The following CACNA1C variants were observed in gnomAD, a reference collection of about 807,000 sequenced individuals.
CACNA1C encodes calcium voltage-gated channel subunit alpha1 C.
In CACNA1C, 30 loss-of-function variants were observed where a neutral mutation model predicts 229.0. The observed-to-expected ratio is 0.13, with a 90% CI of 0.10 to 0.18. The LOEUF (loss-of-function observed/expected upper bound fraction) is 0.18. CACNA1C is among the 10% of genes least tolerant of loss of function. CACNA1C has a pLI of 1.00. For synonymous variants in CACNA1C, 1,114 were observed against 1,132.5 expected, an observed-to-expected ratio of 0.98 and a Z score of 0.33; for missense variants, 1,658 against 2,845.0, an observed-to-expected ratio of 0.58 and a Z score of 9.49.
rs559222718 is a variant in CACNA1C at position 2,100,088 on chromosome 12, T to A, written c.50-15136T>A. Among the ~76,000 whole-genome samples, 3 of 152,298 alleles carry A rather than the reference T, an allele frequency of 2.0e-5. No homozygotes were observed. The East Asian group carries it at 5.8e-4, about 29-fold the overall frequency. ...GTACTGCCTCTCAGCACGTGTATAT[T>A]ACCTGACACTTAAAAATAACACTAG... On this transcript the variant is annotated intron_variant, in intron 1 of 46. Transcript: ENST00000399655.
At chr12:2,194,758 C>T (rs1566297975) in intron 3 of CACNA1C, among the ~76,000 whole-genome samples, 1 of 152,174 alleles carries the variant, frequency 6.6e-6, no homozygotes, top group Non-Finnish European at 1.5e-5. Context: ...TCCCCAAAGT[C>T]CTGACCCTGC....
At chr12:2,515,235 A>G (rs938263399) in intron 9 of CACNA1C, among the ~76,000 whole-genome samples, 6 of 152,220 alleles carry the variant, frequency 3.9e-5, no homozygotes, top group Admixed American at 3.3e-4. Flanking sequence ...GACACATGCA[A>G]TGAAGTGGAA....
chr12:2,303,879 A>G (rs1407923493), intron 3 of CACNA1C, among the ~76,000 whole-genome samples: 1 of 151,986 alleles, frequency 6.6e-6, no homozygotes, highest in Non-Finnish European at 1.5e-5. Context: ...AGGTTTGGGG[A>G]GATGAGTTGT....
intron 1 of CACNA1C, chr12:2,011,415 A>G (rs2044421918): frequency 6.6e-6 from 1 of 152,208 alleles, no homozygotes; most frequent in Non-Finnish European, 1.5e-5. Flanking sequence ...CTAGGTGTGC[A>G]CTAGCTGATT....
At chr12:2,154,516 G>A (rs1257169813) in intron 3 of CACNA1C, among the ~76,000 whole-genome samples, 1 of 152,226 alleles carries the variant, frequency 6.6e-6, no homozygotes, top group African/African-American at 2.4e-5. Context: ...GGGGCCAGCA[G>A]TGGGTCAGGG....
intron 3 of CACNA1C, among the ~76,000 whole-genome samples, chr12:2,277,860 T>C (rs1355375419): frequency 6.6e-6 from 1 of 152,242 alleles, no homozygotes; most frequent in African/African-American, 2.4e-5. Context: ...CTGATTCTGT[T>C]ACACTCGCAC....
chr12:2,532,516 T>C (rs2099843572), intron 9 of CACNA1C, among the ~76,000 whole-genome samples: 2 of 152,226 alleles, frequency 1.3e-5, no homozygotes, highest in Admixed American at 1.3e-4. Context: ...AGGTAGTTGT[T>C]ACTCTTGTAA....
At chr12:2,135,870 T>G (rs552655534) in intron 3 of CACNA1C, among the ~76,000 whole-genome samples, 1,502 of 147,042 alleles carry the variant, frequency 0.01, 37 homozygotes, top group East Asian at 0.016. Flanking sequence ...GTTTACCTAA[T>G]CAAGCCCGGG....
intron 1 of CACNA1C, among the ~76,000 whole-genome samples, chr12:2,109,971 C>T (rs538784607): frequency 5.9e-5 from 9 of 152,246 alleles, no homozygotes; most frequent in Middle Eastern, 3.4e-3. Flanking sequence ...ACAGCATTAT[C>T]GTTACAGTCC....
chr12:2,609,813 A>G (rs550152189), intron 27 of CACNA1C, among the ~76,000 whole-genome samples: 23 of 151,844 alleles, frequency 1.5e-4, no homozygotes, highest in Non-Finnish European at 3.2e-4. Context: ...TCTTATGGAC[A>G]CTGGCAAATA....
chr12:2,144,745 GA>G (rs1230691184), intron 3 of CACNA1C, among the ~76,000 whole-genome samples: 1 of 151,166 alleles, frequency 6.6e-6, no homozygotes, highest in African/African-American at 2.4e-5. Flanking sequence ...AATTATGATT[GA>G]AAAAAATGTT....
intron 3 of CACNA1C, among the ~76,000 whole-genome samples, chr12:2,363,208 G>A (rs565732691): frequency 6.6e-6 from 1 of 152,172 alleles, no homozygotes; most frequent in South Asian, 2.1e-4. Context: ...TGCTCTTGGA[G>A]GTTCCCCGTA....
At chr12:2,500,436 G>C (rs896229829) in intron 7 of CACNA1C, among the ~76,000 whole-genome samples, 1 of 152,194 alleles carries the variant, frequency 6.6e-6, no homozygotes, top group Non-Finnish European at 1.5e-5. Flanking sequence ...TTTTCTGTGA[G>C]GTTAAATGTT....
chr12:2,177,587 C>CCCTTCCTTCCTTCCTTCCTT (rs1555274712), intron 3 of CACNA1C, among the ~76,000 whole-genome samples: 1 of 78,462 alleles, frequency 1.3e-5, no homozygotes, highest in Non-Finnish European at 2.3e-5. Flanking sequence ...CTCCCTCCCT[C>CCCTTCCTTCCTTCCTTCCTT]CCTTCCTTCC....
chr12:2,416,366 AAAGGAAGGAGGG>A (rs1035370428), intron 3 of CACNA1C, among the ~76,000 whole-genome samples: 7 of 152,132 alleles, frequency 4.6e-5, no homozygotes, highest in South Asian at 4.1e-4. Context: ...TGGTGGAAGA[AAAGGAAGGAGGG>A]AAGGAAGGAG....
intron 3 of CACNA1C, among the ~76,000 whole-genome samples, chr12:2,210,504 C>A (rs531518348): frequency 1.3e-5 from 2 of 152,272 alleles, no homozygotes; most frequent in African/African-American, 2.4e-5. Flanking sequence ...GTTGGTACCT[C>A]CAACCTGAAG....
chr12:2,566,348 G>C lies in CACNA1C; in HGVS notation c.1509-74G>C, dbSNP rs867506506. ...ATCAGTGAGGGGCGAGAAGAGCCAT[G>C]GTGCTGCATCTTGGGTTGGAGGAAA... On this transcript the variant is annotated intron_variant, in intron 11 of 46. Transcript: ENST00000399655. This position sits in a 1 kb window ranked among gnomAD's most constrained non-coding sequence, Gnocchi z 4.0. The C allele has an allele frequency of 3.0e-6, 4 of 1,339,554 alleles. No homozygotes were observed. Among genetic ancestry groups the C allele is most frequent in the Non-Finnish European group, 4.1e-6 (4 of 977,222 alleles). 83.0% of individuals were successfully genotyped at this position (1,339,554 alleles called of 1,614,324 possible). A position where few individuals can be genotyped will look rare whatever the true frequency, so the allele number is the denominator to read the frequency against.
intron 3 of CACNA1C, among the ~76,000 whole-genome samples, chr12:2,164,327 G>A (rs2096091723): frequency 6.6e-6 from 1 of 152,248 alleles, no homozygotes; most frequent in Non-Finnish European, 1.5e-5. Context: ...GAGGCATTGT[G>A]GAGGGCGTAG....
intron 3 of CACNA1C, among the ~76,000 whole-genome samples, chr12:2,381,739 A>G (rs1260889444): frequency 6.6e-6 from 1 of 152,190 alleles, no homozygotes; most frequent in Non-Finnish European, 1.5e-5. Flanking sequence ...TCATCTCACC[A>G]TCTCTAGCTT....
Sources: allele counts gnomAD v4.1 joint callset (sites outside exome capture counted in the v4.1 genomes callset), GRCh38; gene constraint gnomAD v4.1.1; non-coding constraint Gnocchi (gnomAD v3.1); transcripts MANE v1.5; gene names NCBI Gene and HGNC (gene_info 2026-07-23, HGNC 2026-07-21).